Variants in ERO1B observed in about 807,000 individuals in gnomAD.
ERO1B encodes endoplasmic reticulum oxidoreductase 1 beta.
In ERO1B, 49 loss-of-function variants were observed where a neutral mutation model predicts 75.3. The ratio of observed to expected loss-of-function variants is 0.65; its 90% CI spans 0.52 to 0.83. The LOEUF (loss-of-function observed/expected upper bound fraction) is 0.83. Ranked by LOEUF, ERO1B falls within the 40% of genes least tolerant of loss-of-function variation. The probability of loss-of-function intolerance (pLI) is 0.00; values close to 1 mark genes in which losing one functional copy is unlikely to be tolerated. For missense variants in ERO1B, 512 were observed against 560.1 expected (o/e 0.91, Z 0.87); for synonymous variants, 191 against 192.9 (o/e 0.99, Z 0.08).
chr1:236,236,055 G>A (rs1337554868), intron 7 of ERO1B, among the ~76,000 whole-genome samples: 1 of 152,060 alleles, frequency 6.6e-6, no homozygotes, highest in Admixed American at 6.6e-5. Context: ...CTCCCAAGTA[G>A]CTGGGATTAC....
intron 1 of ERO1B, among the ~76,000 whole-genome samples, chr1:236,275,618 T>C (rs1029449053): frequency 2.0e-5 from 3 of 152,150 alleles, no homozygotes; most frequent in Non-Finnish European, 4.4e-5. Context: ...TGCAGATTGG[T>C]GGGGCCAAAA....
At chr1:236,252,205 G>A (rs1384580328) in intron 3 of ERO1B, 114 bp from the exon 4 acceptor site, 5 of 679,938 alleles carry the variant, frequency 7.4e-6, no homozygotes, top group African/African-American at 3.6e-5. Context: ...ACTCTATGAG[G>A]GGCAAATATA....
intron 8 of ERO1B, among the ~76,000 whole-genome samples, chr1:236,233,143 A>C (rs1292765417): frequency 6.6e-6 from 1 of 151,672 alleles, no homozygotes; most frequent in Non-Finnish European, 1.5e-5. Context: ...ACCCTGTCTC[A>C]ACTAAAAATA....
chr1:236,253,976 G>A (rs1665101485), intron 2 of ERO1B, among the ~76,000 whole-genome samples: 1 of 152,186 alleles, frequency 6.6e-6, no homozygotes. Context: ...CTGTAATAGT[G>A]AGGCTAGCGG....
chr1:236,253,054 G>A (rs1290419359), intron 3 of ERO1B, among the ~76,000 whole-genome samples: 3 of 151,424 alleles, frequency 2.0e-5, no homozygotes, highest in African/African-American at 7.3e-5. Context: ...TGAAATATAG[G>A]GTCCAGTAGC....
In ERO1B at chr1:236,217,457, G is replaced by T. The variant is rs1572024452; in HGVS notation, c.*1059C>A. On this transcript the variant is annotated 3_prime_UTR_variant, in exon 16 of 16. Coordinates refer to ENST00000354619, the MANE Select transcript of ERO1B (RefSeq NM_019891.4). The stretch of plus-strand genomic sequence containing the variant: ...GTGAGGGGAGAGTAAGCTTAAAGGA[G>T]GGTTGACCTAATCTACCTTTTTATA... 1 of 152,450 alleles carries T rather than the reference G, an allele frequency of 6.6e-6. No homozygotes were observed. The highest frequency in any genetic ancestry group is 6.6e-5 in the Admixed American group (1 of 15,242). The allele number at this position is 152,450 out of a possible 1,614,324, so 9.4% of individuals were successfully genotyped here.
chr1:236,258,162 A>AAAAAAAAAC (rs1553373457), intron 2 of ERO1B, among the ~76,000 whole-genome samples: 1 of 136,298 alleles, frequency 7.3e-6, no homozygotes, highest in Non-Finnish European at 1.6e-5. Context: ...AAAAAAAAAA[A>AAAAAAAAAC]ACCCAGCCAG....
At chr1:236,222,356 G>T (rs927838262) in intron 13 of ERO1B, among the ~76,000 whole-genome samples, 4 of 152,062 alleles carry the variant, frequency 2.6e-5, no homozygotes, top group Admixed American at 2.0e-4. Flanking sequence ...CAAATGATCT[G>T]CCCACCTCGA....
intron 2 of ERO1B, among the ~76,000 whole-genome samples, chr1:236,268,447 A>C (rs547032492): frequency 5.3e-5 from 8 of 152,100 alleles, no homozygotes; most frequent in East Asian, 1.9e-4. Context: ...CTAAAAAAAA[A>C]CAAAAAAAAA....
chr1:236,277,479 T>C (rs1263166058), intron 1 of ERO1B, among the ~76,000 whole-genome samples: 1 of 150,512 alleles, frequency 6.6e-6, no homozygotes, highest in African/African-American at 2.4e-5. Flanking sequence ...AAACTGATGA[T>C]CCAGGAAAGA....
At chr1:236,239,859 G>GTGTGTA (rs1664647660) in intron 6 of ERO1B, among the ~76,000 whole-genome samples, 2 of 74,472 alleles carry the variant, frequency 2.7e-5, no homozygotes, top group African/African-American at 7.8e-5. Flanking sequence ...GTGTATATAT[G>GTGTGTA]TATATATATA....
Position 236,218,423 on chromosome 1 carries a change from G to A in ERO1B, c.*93C>T, listed in dbSNP as rs1347920726. ...TTCTATTTAATAGTTCAGAATTCTT[G>A]AAGTCAGATTAGTGTCTTTCTGATG... On this transcript the variant is annotated 3_prime_UTR_variant, in exon 16 of 16. Coordinates refer to ENST00000354619, the MANE Select transcript of ERO1B (RefSeq NM_019891.4). The A allele has an allele frequency of 8.3e-7, 1 of 1,209,610 alleles. No homozygotes were observed. The highest frequency in any genetic ancestry group is 1.1e-6 in the Non-Finnish European group (1 of 938,186). 74.9% of individuals were successfully genotyped at this position (1,209,610 alleles called of 1,614,324 possible). A position where few individuals can be genotyped will look rare whatever the true frequency, so the allele number is the denominator to read the frequency against.
chr1:236,222,745 G>A (rs1180546247), intron 13 of ERO1B, among the ~76,000 whole-genome samples: 1 of 152,146 alleles, frequency 6.6e-6, no homozygotes, highest in Non-Finnish European at 1.5e-5. Context: ...CTAGAACAAT[G>A]ATCAATTTTT....
chr1:236,234,407 A>C (rs1356696655), intron 8 of ERO1B, among the ~76,000 whole-genome samples: 1 of 152,272 alleles, frequency 6.6e-6, no homozygotes, highest in Non-Finnish European at 1.5e-5. Flanking sequence ...AAGGTCTGGA[A>C]GAACACCTTT....
intron 1 of ERO1B, among the ~76,000 whole-genome samples, chr1:236,274,651 A>G (rs1443065101): frequency 6.6e-6 from 1 of 152,140 alleles, no homozygotes; most frequent in Non-Finnish European, 1.5e-5. Context: ...ATTTGCATCT[A>G]TCTTCCATTC....
intron 3 of ERO1B, 117 bp from the exon 4 acceptor site, chr1:236,252,208 C>A (rs1665046408): frequency 3.0e-6 from 2 of 658,382 alleles, no homozygotes; most frequent in Non-Finnish European, 5.4e-6. Context: ...CTATGAGGGG[C>A]AAATATACAC....
At chr1:236,227,190 T>G (rs1664300645) in intron 10 of ERO1B, among the ~76,000 whole-genome samples, 1 of 152,204 alleles carries the variant, frequency 6.6e-6, no homozygotes, top group African/African-American at 2.4e-5. Context: ...TTGTCTAATT[T>G]TTTAACCATA....
chr1:236,230,940 A>C (rs1422359968), intron 9 of ERO1B, among the ~76,000 whole-genome samples: 1 of 152,160 alleles, frequency 6.6e-6, no homozygotes, highest in Non-Finnish European at 1.5e-5. Flanking sequence ...TTTAAAAAAA[A>C]AAAGTATATA....
chr1:236,254,416 T>C (rs1029146619), intron 2 of ERO1B, among the ~76,000 whole-genome samples: 2 of 152,122 alleles, frequency 1.3e-5, no homozygotes, highest in Admixed American at 6.6e-5. Context: ...TTAAAACAGA[T>C]CAGATCATAT....
Sources: allele counts gnomAD v4.1 joint callset (sites outside exome capture counted in the v4.1 genomes callset), GRCh38; gene constraint gnomAD v4.1.1; transcripts MANE v1.5; gene names NCBI Gene and HGNC (gene_info 2026-07-23, HGNC 2026-07-21).